The following ARHGAP32 variants were observed in gnomAD, a reference collection of about 807,000 sequenced individuals.
ARHGAP32 encodes rho GTPase-activating protein 32.
ARHGAP32 carries 51 observed loss-of-function variants against 186.5 expected under a neutral mutation model. That is an observed-to-expected ratio of 0.27 (90% confidence interval 0.22 to 0.35). The LOEUF is 0.35. Among genes scored for constraint, ARHGAP32 ranks in the 10% least tolerant of loss-of-function variants. The probability of loss-of-function intolerance (pLI) is 1.00; values close to 1 mark genes in which losing one functional copy is unlikely to be tolerated. For missense variants in ARHGAP32, 2,186 were observed against 2,623.5 expected (o/e 0.83, Z 3.64); for synonymous variants, 950 against 964.3 (o/e 0.99, Z 0.27).
intron 6 of ARHGAP32, among the ~76,000 whole-genome samples, chr11:129,078,649 C>T (rs514585): frequency 0.37 from 56,202 of 151,728 alleles, 10,870 homozygotes; most frequent in South Asian, 0.52. Context: ...TACACCACCA[C>T]GCGTGGCTAA....
chr11:128,995,871 C>T (rs1356030793), intron 12 of ARHGAP32, among the ~76,000 whole-genome samples: 3 of 152,138 alleles, frequency 2.0e-5, no homozygotes, highest in Non-Finnish European at 4.4e-5. Flanking sequence ...TTGGGTATTT[C>T]GTTTTCTTTG....
At chr11:129,172,412 A>G (rs1943786586) in intron 1 of ARHGAP32, among the ~76,000 whole-genome samples, 1 of 152,234 alleles carries the variant, frequency 6.6e-6, no homozygotes, top group African/African-American at 2.4e-5. Flanking sequence ...CCTTTTCTGC[A>G]TCTGTTGAGA....
chr11:129,166,251 T>G (rs1402150391), intron 1 of ARHGAP32, among the ~76,000 whole-genome samples: 4 of 151,864 alleles, frequency 2.6e-5, no homozygotes, highest in Admixed American at 2.0e-4. Flanking sequence ...GATGAGAGAC[T>G]TGGTTTAAAA....
At chr11:129,199,164 T>C (rs1944428835) in intron 1 of ARHGAP32, among the ~76,000 whole-genome samples, 1 of 152,144 alleles carries the variant, frequency 6.6e-6, no homozygotes, top group East Asian at 1.9e-4. Flanking sequence ...TTCAGTTTTA[T>C]AAGGGAAACA....
Position 128,970,974 on chromosome 11 carries a change from G to A in ARHGAP32, c.4239C>T (p.Ala1413=), listed in dbSNP as rs61734317. 1,891 of 1,613,798 alleles carry A rather than the reference G, an allele frequency of 1.2e-3. 14 individuals are homozygous for A. In the African/African-American group the frequency reaches 0.021, roughly 18 times the overall value. ...CACAGGGATGCGCAGGGACAGACTC[G>A]GCGCGCAGGTGCAGCAGCGGGACCC... ...GARVPLLHLR[A]ESVPAHPCGF... is the part of the protein sequence containing the mutation. Residue 1413 remains alanine (A), a synonymous_variant, in exon 23 of 23, where the codon GCC becomes GCT. Transcript: ENST00000682385. This position sits in a 1 kb window ranked among gnomAD's most constrained non-coding sequence, Gnocchi z 5.8.
intron 12 of ARHGAP32, among the ~76,000 whole-genome samples, chr11:128,992,213 C>T (rs886752244): frequency 2.6e-5 from 4 of 152,112 alleles, no homozygotes; most frequent in African/African-American, 9.7e-5. Flanking sequence ...TATGTTCAGG[C>T]AACAGAGAGT....
rs1468286452 is a variant in ARHGAP32, at chr11:128,967,044, G to A, written c.*1863C>T. The A allele has an allele frequency of 6.6e-6, 1 of 152,072 alleles. No homozygotes were observed. Among genetic ancestry groups the A allele is most frequent in the Admixed American group, 6.5e-5 (1 of 15,270 alleles). The allele number at this position is 152,072 out of a possible 1,614,324, so 9.4% of individuals were successfully genotyped here. ...ATTTCCACAGACCTTTTCACATATG[G>A]GTGTTTCAAGGTTTCTACTACAGTT... On this transcript the variant is annotated 3_prime_UTR_variant, in exon 23 of 23. Coordinates refer to ENST00000682385, the MANE Select transcript of ARHGAP32 (RefSeq NM_001378024.1).
chr11:128,972,690 T>C lies in ARHGAP32; in HGVS notation c.3816A>G (p.Thr1272=). The C allele has an allele frequency of 1.9e-6, 3 of 1,614,136 alleles. No homozygotes were observed. The South Asian group carries it at 3.3e-5, about 18-fold the overall frequency. The part of the protein sequence containing the change: ...PSGSPEENTS[T]ATMTYMTTTP... ...TAGTTGTCATGTAAGTCATGGTGGCTGTGCTGGTATTCTCTTCGGGGGACC... is the reference window on the plus strand; with the variant it reads ...TAGTTGTCATGTAAGTCATGGTGGCCGTGCTGGTATTCTCTTCGGGGGACC... The change falls in exon 22 of 23, where the codon ACA becomes ACG. Residue 1272 remains threonine (T), a synonymous_variant. Coordinates refer to ENST00000682385, the MANE Select transcript of ARHGAP32 (RefSeq NM_001378024.1).
intron 10 of ARHGAP32, among the ~76,000 whole-genome samples, chr11:129,053,193 C>T (rs938648412): frequency 6.6e-6 from 1 of 151,996 alleles, no homozygotes; most frequent in African/African-American, 2.4e-5. Flanking sequence ...TAACAAAAAG[C>T]TATCAAGTAG....
chr11:128,998,345 TC>T lies in ARHGAP32; in HGVS notation c.1168del (p.Glu390AsnfsTer4). ...KERVFGCDLG[E>X]HLLNSGFEVP... ...TTCAAAACCAGAATTTAGAAGGTGT[TC>T]CCCCAGGTCACAACCAAACACCCTC... On this transcript the variant is annotated frameshift_variant, in exon 12 of 23. Transcript: ENST00000682385. LOFTEE classifies it high-confidence loss of function. The T allele has an allele frequency of 1.9e-6, 3 of 1,580,068 alleles. No individual in the cohort carries two copies. Among genetic ancestry groups the T allele is most frequent in the South Asian group, 1.2e-5 (1 of 82,764 alleles).
At chr11:129,125,221 G>A (rs988582558) in intron 2 of ARHGAP32, among the ~76,000 whole-genome samples, 1 of 151,894 alleles carries the variant, frequency 6.6e-6, no homozygotes, top group Non-Finnish European at 1.5e-5. Context: ...AATAACCTTT[G>A]TTAAAATAAT....
In ARHGAP32 at chr11:128,972,569, T is replaced by C; in HGVS notation, c.3937A>G (p.Thr1313Ala). Residue 1313 changes from threonine to alanine, a missense_variant, in exon 22 of 23, where the codon ACG becomes GCG. Physicochemically the swap from Thr to Ala is moderately conservative, Grantham distance 58. This residue lies in a region of ARHGAP32 where 1,502 missense variants were observed against 1,570.0 expected (regional missense o/e 0.96). Transcript: ENST00000682385. ...ADFAAATLQRTHRTNRPLPPP... is the reference protein window; with the variant it reads ...ADFAAATLQRAHRTNRPLPPP... Reference sequence around the variant, plus strand: ...GGAAGGGGACGATTAGTTCTGTGCGTGCGCTGAAGTGTGGCAGCAGCAAAA... The same window carrying C: ...GGAAGGGGACGATTAGTTCTGTGCGCGCGCTGAAGTGTGGCAGCAGCAAAA... 1 of 1,596,148 alleles carries C rather than the reference T, an allele frequency of 6.3e-7. No individual in the cohort carries two copies. Among genetic ancestry groups the C allele is most frequent in the Non-Finnish European group, 8.5e-7 (1 of 1,170,162 alleles).
chr11:129,040,610 T>TA (rs1491238264), intron 11 of ARHGAP32, among the ~76,000 whole-genome samples: 1 of 152,202 alleles, frequency 6.6e-6, no homozygotes, highest in Admixed American at 6.5e-5. Context: ...CTACAATTTC[T>TA]ATGTTAGTTC....
chr11:129,179,031 T>C lies in ARHGAP32; in HGVS notation c.116+13052A>G, dbSNP rs946552291. Among the ~76,000 whole-genome samples, 49 of 151,394 alleles carry C rather than the reference T, an allele frequency of 3.2e-4. No individual in the cohort carries two copies. In the South Asian group the frequency reaches 5.0e-3, roughly 16 times the overall value. ...AACCTACAAAATGGGAGAAAATTTT[T>C]GCAACCTACTCATCTGACAAAGGGC... On this transcript the variant is annotated intron_variant, in intron 1 of 22. Transcript: ENST00000682385.
intron 2 of ARHGAP32, among the ~76,000 whole-genome samples, chr11:129,143,089 A>ATATATATATATATATATAGATAT (rs66832335): frequency 6.9e-6 from 1 of 145,692 alleles, no homozygotes; most frequent in Non-Finnish European, 1.5e-5. Flanking sequence ...ATATATATAT[A>ATATATATATATATATATAGATAT]ATCAACTGAA....
chr11:129,001,639 G>A (rs1946361413), intron 11 of ARHGAP32, among the ~76,000 whole-genome samples: 2 of 151,982 alleles, frequency 1.3e-5, no homozygotes, highest in Non-Finnish European at 2.9e-5. Flanking sequence ...GTCCATTTTT[G>A]CCTTGGTTGC....
At chr11:129,020,795 G>C (rs1938560676) in intron 11 of ARHGAP32, among the ~76,000 whole-genome samples, 1 of 152,024 alleles carries the variant, frequency 6.6e-6, no homozygotes, top group South Asian at 2.1e-4. Flanking sequence ...ATTTTTTTTA[G>C]ATAAATTGAG....
At chr11:129,228,921 C>T (rs372790917) in intron 1 of ARHGAP32, among the ~76,000 whole-genome samples, 24 of 152,200 alleles carry the variant, frequency 1.6e-4, no homozygotes, top group Non-Finnish European at 2.4e-4. Context: ...AAATAATACA[C>T]GTAATTTTAT....
chr11:129,052,910 A>G (rs1385368287), intron 10 of ARHGAP32, among the ~76,000 whole-genome samples: 1 of 152,100 alleles, frequency 6.6e-6, no homozygotes, highest in African/African-American at 2.4e-5. Flanking sequence ...ACAAAAAAGG[A>G]TTTTAGAAAA....
Sources: gnomAD v4.1 joint callset for allele counts (sites outside exome capture counted in the v4.1 genomes callset) on GRCh38, gnomAD v4.1.1 for gene constraint, gnomAD v4.1.1 regional missense constraint, Gnocchi (gnomAD v3.1) non-coding constraint, MANE v1.5 for transcripts, NCBI Gene and HGNC (gene_info 2026-07-23, HGNC 2026-07-21) for gene names.